Variants in UST observed in about 807,000 individuals in gnomAD.
UST encodes the protein chondroitin sulfate 2-O-sulfotransferase.
A neutral mutation model predicts 45.6 loss-of-function variants in UST; 21 were observed. That is an observed-to-expected ratio of 0.46 (90% CI 0.33 to 0.66). The LOEUF is 0.66. Among genes scored for constraint, UST ranks in the 30% least tolerant of loss-of-function variants. The probability of loss-of-function intolerance (pLI) is 0.02; values close to 1 mark genes in which losing one functional copy is unlikely to be tolerated. For synonymous variants in UST, 215 were observed against 200.6 expected, an observed-to-expected ratio of 1.07 and a Z score of -0.61; for missense variants, 463 against 512.4, an observed-to-expected ratio of 0.90 and a Z score of 0.93.
intron 1 of UST, among the ~76,000 whole-genome samples, chr6:148,875,212 A>G (rs954456947): frequency 1.3e-5 from 2 of 152,226 alleles, no homozygotes; most frequent in Non-Finnish European, 2.9e-5. Flanking sequence ...GAATTAAAAC[A>G]TTGTATTCTT....
chr6:149,041,396 A>G (rs1304104444), intron 7 of UST, among the ~76,000 whole-genome samples: 2 of 152,226 alleles, frequency 1.3e-5, no homozygotes, highest in African/African-American at 4.8e-5. Context: ...AGATAGGAGC[A>G]CAAATGCAGT....
intron 2 of UST, among the ~76,000 whole-genome samples, chr6:148,930,544 A>T (rs1779901799): frequency 6.6e-6 from 1 of 152,132 alleles, no homozygotes; most frequent in Admixed American, 6.5e-5. Flanking sequence ...GCCACCTTTT[A>T]TCTTCCTGGA....
At chr6:148,920,953 C>G (rs1420887901) in intron 2 of UST, among the ~76,000 whole-genome samples, 1 of 152,246 alleles carries the variant, frequency 6.6e-6, no homozygotes, top group African/African-American at 2.4e-5. Context: ...AAGTGAGCCT[C>G]TACCAGCGAG....
intron 1 of UST, among the ~76,000 whole-genome samples, chr6:148,759,570 C>A (rs1417677329): frequency 6.9e-6 from 1 of 145,782 alleles, no homozygotes; most frequent in African/African-American, 2.5e-5. Context: ...AAGAATGCGG[C>A]GTACGCGGTG....
intron 4 of UST, among the ~76,000 whole-genome samples, chr6:148,962,220 A>G (rs898138061): frequency 1.3e-5 from 2 of 152,260 alleles, no homozygotes; most frequent in Admixed American, 6.5e-5. Context: ...TTGGATTGCA[A>G]CGTGCAAACA....
intron 5 of UST, among the ~76,000 whole-genome samples, chr6:149,017,797 T>TACACACACACACAC (rs1327763227): frequency 1.7e-5 from 1 of 59,376 alleles, no homozygotes; most frequent in African/African-American, 6.5e-5. Flanking sequence ...AATATCCATA[T>TACACACACACACAC]ATACACACAC....
intron 1 of UST, among the ~76,000 whole-genome samples, chr6:148,762,904 T>C (rs553177095): frequency 1.3e-5 from 2 of 152,328 alleles, no homozygotes; most frequent in African/African-American, 4.8e-5. Context: ...CAGTCATCTG[T>C]TGATGGACAG....
In UST at chr6:148,840,428, A is replaced by G. The variant is rs920351755; in HGVS notation, c.248-46558A>G. Among the ~76,000 whole-genome samples, 11 of 152,328 alleles carry G rather than the reference A, an allele frequency of 7.2e-5. No individual in the cohort carries two copies. The East Asian group carries it at 9.6e-4, about 13-fold the overall frequency. Reference sequence around the variant, plus strand: ...CTCTTTTGTATGTGCAAGAATGCCAATAGGTGCTCTGAAAGCTGAATTCTT... The same window carrying G: ...CTCTTTTGTATGTGCAAGAATGCCAGTAGGTGCTCTGAAAGCTGAATTCTT... On this transcript the variant is annotated intron_variant, in intron 1 of 7. Coordinates refer to ENST00000367463, the MANE Select transcript of UST (RefSeq NM_005715.3).
intron 1 of UST, among the ~76,000 whole-genome samples, chr6:148,859,146 C>T (rs1392640356): frequency 6.6e-6 from 1 of 152,170 alleles, no homozygotes. Flanking sequence ...TTCTCCACAT[C>T]CTCTTCAGCA....
intron 1 of UST, among the ~76,000 whole-genome samples, chr6:148,837,053 T>C (rs1777797079): frequency 6.6e-6 from 1 of 152,144 alleles, no homozygotes; most frequent in African/African-American, 2.4e-5. Flanking sequence ...GAGGAAGACT[T>C]ATAGTTCTCA....
At chr6:148,881,495 C>T (rs530836758) in intron 1 of UST, among the ~76,000 whole-genome samples, 1 of 152,276 alleles carries the variant, frequency 6.6e-6, no homozygotes, top group Admixed American at 6.5e-5. Flanking sequence ...TCCTGCCTGG[C>T]ACAGTGCTGC....
intron 2 of UST, among the ~76,000 whole-genome samples, chr6:148,918,812 TTTA>T (rs1363092829): frequency 2.6e-5 from 4 of 152,226 alleles, no homozygotes; most frequent in African/African-American, 9.6e-5. Context: ...TCTTATTCTT[TTTA>T]TTGTTAAACT....
chr6:148,889,390 G>T (rs1209863438), intron 2 of UST, among the ~76,000 whole-genome samples: 2 of 152,124 alleles, frequency 1.3e-5, no homozygotes, highest in African/African-American at 4.8e-5. Context: ...AAGTTTTCTT[G>T]TAGAGAAAAC....
At chr6:148,966,917 A>G (rs765355873) in intron 5 of UST, among the ~76,000 whole-genome samples, 3 of 152,054 alleles carry the variant, frequency 2.0e-5, no homozygotes, top group Non-Finnish European at 4.4e-5. Context: ...TTGTATTTTT[A>G]GTAGAGGCGG....
chr6:148,877,367 A>T (rs1225213141), intron 1 of UST, among the ~76,000 whole-genome samples: 2 of 51,012 alleles, frequency 3.9e-5, no homozygotes, highest in African/African-American at 8.8e-5. Flanking sequence ...GAGATCGTGT[A>T]TGAGTGGGGG....
intron 1 of UST, among the ~76,000 whole-genome samples, chr6:148,764,493 C>T (rs113695589): frequency 4.6e-5 from 7 of 152,182 alleles, no homozygotes; most frequent in Non-Finnish European, 1.0e-4. Context: ...CTTTCTCTTG[C>T]TATCAGGGGA....
At chr6:149,071,172 T>C (rs189663587) in intron 7 of UST, among the ~76,000 whole-genome samples, 23 of 152,332 alleles carry the variant, frequency 1.5e-4, no homozygotes, top group Admixed American at 1.4e-3. Flanking sequence ...TTTGTACCTA[T>C]GAACCATCCC....
chr6:148,957,541 C>G (rs1780541919), intron 4 of UST, among the ~76,000 whole-genome samples: 1 of 152,202 alleles, frequency 6.6e-6, no homozygotes, highest in Non-Finnish European at 1.5e-5. Context: ...TCAAGCGATT[C>G]TCCTGCCTCA....
intron 2 of UST, among the ~76,000 whole-genome samples, chr6:148,901,518 A>G (rs2114864509): frequency 6.6e-6 from 1 of 150,528 alleles, no homozygotes; most frequent in South Asian, 2.1e-4. Context: ...ACGTAGGGAG[A>G]CTTTTCAGCC....
Sources: allele counts gnomAD v4.1 joint callset (sites outside exome capture counted in the v4.1 genomes callset), GRCh38; gene constraint gnomAD v4.1.1; transcripts MANE v1.5; gene names NCBI Gene and HGNC (gene_info 2026-07-23, HGNC 2026-07-21).